The following CHODL variants were observed in gnomAD, a reference collection of about 807,000 sequenced individuals.
CHODL encodes transmembrane protein MT75.
Under a neutral mutation model 34.5 loss-of-function variants are expected in CHODL, and 29 were observed. The observed-to-expected ratio is 0.84, with a 90% CI of 0.63 to 1.15. CHODL has a LOEUF of 1.15. Ranked by LOEUF, CHODL falls within the 50% of genes most tolerant of loss-of-function variation. The pLI, the probability that CHODL is intolerant of heterozygous loss-of-function variation, is 0.00. For missense variants in CHODL, 332 were observed against 332.5 expected, an observed-to-expected ratio of 1.00 and a Z score of 0.01; for synonymous variants, 125 against 116.1, an observed-to-expected ratio of 1.08 and a Z score of -0.49.
intron 1 of CHODL, among the ~76,000 whole-genome samples, chr21:17,928,986 C>G (rs1339645087): frequency 6.6e-6 from 1 of 152,160 alleles, no homozygotes; most frequent in East Asian, 1.9e-4. Context: ...CACTTAAGAG[C>G]TGAGATCCAT....
intron 2 of CHODL, among the ~76,000 whole-genome samples, chr21:18,143,414 A>G (rs910152969): frequency 5.9e-5 from 9 of 152,168 alleles, no homozygotes; most frequent in African/African-American, 1.9e-4. Context: ...TATGACAAGT[A>G]TGCTTTTTAT....
At chr21:18,230,686 G>C (rs73316283) in intron 2 of CHODL, among the ~76,000 whole-genome samples, 651 of 152,114 alleles carry the variant, frequency 4.3e-3, no homozygotes, top group African/African-American at 0.015. Flanking sequence ...TGTTTAAAGA[G>C]GATTGTATGG....
chr21:18,096,830 C>T (rs569267288), intron 2 of CHODL, among the ~76,000 whole-genome samples: 15 of 152,218 alleles, frequency 9.9e-5, no homozygotes, highest in African/African-American at 3.6e-4. Flanking sequence ...CGTTCACTCC[C>T]TCCCCTTCTA....
intron 2 of CHODL, among the ~76,000 whole-genome samples, chr21:18,155,869 G>C (rs2073027950): frequency 6.6e-6 from 1 of 152,194 alleles, no homozygotes. Context: ...AGCAATGCTA[G>C]ATAAAGGCCA....
chr21:18,211,417 G>A (rs1030027111), intron 2 of CHODL, among the ~76,000 whole-genome samples: 1 of 152,140 alleles, frequency 6.6e-6, no homozygotes, highest in African/African-American at 2.4e-5. Context: ...CTAGAGGAAA[G>A]CATGTCAAAT....
intron 1 of CHODL, among the ~76,000 whole-genome samples, chr21:17,967,709 G>T (rs988387954): frequency 6.0e-5 from 9 of 150,684 alleles, no homozygotes; most frequent in African/African-American, 2.2e-4. Flanking sequence ...GCAAAAAAGT[G>T]CAAGGAGAGT....
At chr21:18,231,374 T>C (rs2073977263) in intron 2 of CHODL, among the ~76,000 whole-genome samples, 1 of 152,128 alleles carries the variant, frequency 6.6e-6, no homozygotes, top group African/African-American at 2.4e-5. Context: ...TGCCAGCCAC[T>C]GTGCGTGTGC....
chr21:18,101,083 C>A (rs2065207308), intron 2 of CHODL, among the ~76,000 whole-genome samples: 1 of 152,162 alleles, frequency 6.6e-6, no homozygotes, highest in East Asian at 1.9e-4. Context: ...TGGGAGGGAC[C>A]CAGTGGGAGA....
At chr21:18,013,000 C>G in intron 1 of CHODL, among the ~76,000 whole-genome samples, 1 of 152,078 alleles carries the variant, frequency 6.6e-6, no homozygotes, top group East Asian at 1.9e-4. Context: ...GTTGGAAGTT[C>G]TGGTAATTAT....
chr21:18,263,095 C>A lies in CHODL; in HGVS notation c.737+202C>A, dbSNP rs556900834. ...TTACAGGACTTATTAAGCAGTTACC[C>A]TTCTGTTTGTATTTCTCAGTTGAGA... On this transcript the variant is annotated intron_variant, in intron 5 of 5. Transcript: ENST00000299295. 2.0e-5 allele frequency among the ~76,000 whole-genome samples: 3 copies of A among 152,032 alleles called. No individual in the cohort carries two copies. In the South Asian group the frequency reaches 6.2e-4, roughly 32 times the overall value.
At chr21:18,182,994 A>G (rs940017993) in intron 2 of CHODL, among the ~76,000 whole-genome samples, 4 of 152,216 alleles carry the variant, frequency 2.6e-5, no homozygotes, top group Admixed American at 1.3e-4. Context: ...TATATCATAC[A>G]AGGCTTATCA....
At chr21:18,124,736 A>C (rs979975156) in intron 2 of CHODL, among the ~76,000 whole-genome samples, 2 of 152,244 alleles carry the variant, frequency 1.3e-5, no homozygotes, top group African/African-American at 4.8e-5. Flanking sequence ...AACTGGTAGA[A>C]GAAAGGTAGA....
intron 2 of CHODL, among the ~76,000 whole-genome samples, chr21:18,229,530 T>TA (rs1300718532): frequency 7.0e-6 from 1 of 142,534 alleles, no homozygotes; most frequent in Non-Finnish European, 1.5e-5. Flanking sequence ...AGCTGCTGTG[T>TA]GAAAAAAGTG....
intron 2 of CHODL, among the ~76,000 whole-genome samples, chr21:18,227,750 C>A (rs1250303580): frequency 6.6e-6 from 1 of 152,074 alleles, no homozygotes; most frequent in African/African-American, 2.4e-5. Context: ...TTGTATAAAA[C>A]ATTTAATAAA....
intron 2 of CHODL, among the ~76,000 whole-genome samples, chr21:18,065,752 G>C (rs1275543721): frequency 6.6e-6 from 1 of 152,172 alleles, no homozygotes; most frequent in Non-Finnish European, 1.5e-5. Flanking sequence ...AAATTTGATA[G>C]AATATGAAAG....
At chr21:18,132,966 T>C (rs1234973074) in intron 2 of CHODL, among the ~76,000 whole-genome samples, 1 of 152,170 alleles carries the variant, frequency 6.6e-6, no homozygotes, top group East Asian at 1.9e-4. Flanking sequence ...CCTATGACTC[T>C]CGAGTCTTTG....
At chr21:18,247,695 T>C (rs927253091) in intron 1 of CHODL, among the ~76,000 whole-genome samples, 1 of 152,124 alleles carries the variant, frequency 6.6e-6, no homozygotes, top group Non-Finnish European at 1.5e-5. Context: ...AGATGTGATA[T>C]GATGATAGTA....
rs1313577803 is a variant in CHODL at position 18,044,538 on chromosome 21, G to A, written c.-45+16567G>A. Among the ~76,000 whole-genome samples, 10 of 151,788 alleles carry A rather than the reference G, an allele frequency of 6.6e-5. 1 individual carries two copies. The highest frequency in any genetic ancestry group is 6.6e-4 in the Admixed American group (10 of 15,212). ...ACCTACAAATTTTGGAGTCAGTACT[G>A]ACTCATTGTGGTCCATAAGAGAGCA... On this transcript the variant is annotated intron_variant, in intron 2 of 6. Coordinates refer to the CHODL transcript ENST00000400127.
chr21:17,999,344 G>C (rs13049065), intron 1 of CHODL, among the ~76,000 whole-genome samples: 2 of 151,988 alleles, frequency 1.3e-5, no homozygotes, highest in East Asian at 1.9e-4. Flanking sequence ...ACATTTTTCT[G>C]TCTGCTTCTC....
Sources: allele counts gnomAD v4.1 joint callset (sites outside exome capture counted in the v4.1 genomes callset), GRCh38; gene constraint gnomAD v4.1.1; transcripts MANE v1.5; gene names NCBI Gene and HGNC (gene_info 2026-07-23, HGNC 2026-07-21).